CAMTA1: variants seen among roughly 807,000 people sequenced by gnomAD.
CAMTA1 encodes calmodulin-binding transcription activator 1.
A neutral mutation model predicts 170.9 loss-of-function variants in CAMTA1; 27 were observed. The ratio of observed to expected loss-of-function variants is 0.16; its 90% CI spans 0.12 to 0.22. The LOEUF (loss-of-function observed/expected upper bound fraction) is 0.22, where lower values mean the gene tolerates loss of function less well. CAMTA1 is among the 10% of genes least tolerant of loss of function. CAMTA1 has a pLI of 1.00. For synonymous variants in CAMTA1, 833 were observed against 891.5 expected, an observed-to-expected ratio of 0.93 and a Z score of 1.17; for missense variants, 1,619 against 2,217.2, an observed-to-expected ratio of 0.73 and a Z score of 5.42.
chr1:7,664,237 G>A lies in CAMTA1; in HGVS notation c.1690G>A (p.Ala564Thr), dbSNP rs966383954. ...AVAASSLTLT[A>T]GSSLLPSGGG... ...GGCAGCCAGCTCCCTCACCCTGACC[G>A]CCGGCTCCAGCCTCCTGCCGTCGGG... Residue 564 changes from alanine (A) to threonine (T), a missense_variant, in exon 9 of 23, where the codon GCC becomes ACC. Coordinates refer to ENST00000303635, the MANE Select transcript of CAMTA1 (RefSeq NM_015215.4). 16 of 1,612,444 alleles carry A rather than the reference G, an allele frequency of 9.9e-6. No individual in the cohort carries two copies. The highest frequency in any genetic ancestry group is 5.0e-5 in the Admixed American group (3 of 60,000).
chr1:7,145,221 C>T (rs761541353), intron 4 of CAMTA1, among the ~76,000 whole-genome samples: 60 of 152,282 alleles, frequency 3.9e-4, no homozygotes, highest in Non-Finnish European at 7.8e-4. Context: ...TTCCCAGGCC[C>T]GGGAGGGAGA....
intron 5 of CAMTA1, among the ~76,000 whole-genome samples, chr1:7,373,261 A>G (rs2086612926): frequency 6.6e-6 from 1 of 152,158 alleles, no homozygotes; most frequent in African/African-American, 2.4e-5. Flanking sequence ...CGTGACTGCT[A>G]AGCAAGTCTC....
At chr1:7,070,098 C>T (rs1221596574) in intron 3 of CAMTA1, among the ~76,000 whole-genome samples, 1 of 152,184 alleles carries the variant, frequency 6.6e-6, no homozygotes, top group Non-Finnish European at 1.5e-5. Context: ...GCAGGACGGG[C>T]TTTTCTGAGA....
At chr1:7,204,830 CTTTTTTTTT>C (rs367812076) in intron 4 of CAMTA1, among the ~76,000 whole-genome samples, 3 of 86,808 alleles carry the variant, frequency 3.5e-5, no homozygotes, top group Non-Finnish European at 6.5e-5. Flanking sequence ...TTCTTTTTTT[CTTTTTTTTT>C]TTTTTTTTGA....
rs56379193 is a variant in CAMTA1, at chr1:7,087,704, G to C, written c.235-3600G>C. 4.3e-3 allele frequency among the ~76,000 whole-genome samples: 660 copies of C among 152,242 alleles called. 4 individuals carry two copies. Among genetic ancestry groups the C allele is most frequent in the African/African-American group, 0.015 (630 of 41,546 alleles). ...CCTCAGTTTCCACACCTGTAAAGTG[G>C]CCATGGTTCCTATTTCATAGTTTGT... On this transcript the variant is annotated intron_variant, in intron 3 of 22. Coordinates refer to ENST00000303635, the MANE Select transcript of CAMTA1 (RefSeq NM_015215.4).
At chr1:7,029,667 A>G (rs1702533158) in intron 3 of CAMTA1, among the ~76,000 whole-genome samples, 1 of 152,054 alleles carries the variant, frequency 6.6e-6, no homozygotes. Flanking sequence ...TGTTTCTTGA[A>G]CTTTTTGGTC....
At chr1:7,756,878 C>T (rs541931551) in intron 22 of CAMTA1, among the ~76,000 whole-genome samples, 40 of 150,858 alleles carry the variant, frequency 2.7e-4, no homozygotes, top group African/African-American at 7.9e-4. Context: ...AAACAAAAAA[C>T]GCCAGGAATA....
At chr1:7,178,723 C>T (rs1651469334) in intron 4 of CAMTA1, among the ~76,000 whole-genome samples, 1 of 152,150 alleles carries the variant, frequency 6.6e-6, no homozygotes, top group African/African-American at 2.4e-5. Context: ...TGCGGAGTAG[C>T]CAAGCTGCAG....
intron 6 of CAMTA1, among the ~76,000 whole-genome samples, chr1:7,502,873 G>A (rs907429618): frequency 1.3e-5 from 2 of 152,184 alleles, no homozygotes; most frequent in Non-Finnish European, 2.9e-5. Context: ...GGGCTGAAGC[G>A]AGGCAGGCAG....
At chr1:7,381,192 T>G (rs1455297788) in intron 5 of CAMTA1, among the ~76,000 whole-genome samples, 1 of 151,986 alleles carries the variant, frequency 6.6e-6, no homozygotes, top group Admixed American at 6.6e-5. Context: ...TTAGGGTACA[T>G]GTGCACATTG....
At chr1:7,236,119 A>C (rs1025400531) in intron 4 of CAMTA1, among the ~76,000 whole-genome samples, 1 of 152,170 alleles carries the variant, frequency 6.6e-6, no homozygotes, top group Non-Finnish European at 1.5e-5. Context: ...TTGTCCCCCA[A>C]ATCGTGAAGA....
intron 6 of CAMTA1, among the ~76,000 whole-genome samples, chr1:7,593,489 CTTTTTTTT>C (rs35614673): frequency 1.0e-4 from 14 of 134,200 alleles, no homozygotes; most frequent in Non-Finnish European, 1.3e-4. Context: ...AATCCTAGCA[CTTTTTTTT>C]TTTTTTTTTT....
chr1:7,181,861 T>G (rs1055281955), intron 4 of CAMTA1, among the ~76,000 whole-genome samples: 1 of 152,048 alleles, frequency 6.6e-6, no homozygotes, highest in Admixed American at 6.5e-5. Flanking sequence ...CAACTGATAC[T>G]TAAGTTCATA....
At chr1:7,662,140 A>G (rs115137519) in intron 8 of CAMTA1, among the ~76,000 whole-genome samples, 117 of 152,320 alleles carry the variant, frequency 7.7e-4, no homozygotes, top group Non-Finnish European at 1.4e-3. Flanking sequence ...TGGGGGCAGC[A>G]GAGTTGGGGA....
intron 5 of CAMTA1, among the ~76,000 whole-genome samples, chr1:7,256,491 C>T (rs1356144812): frequency 1.1e-4 from 16 of 152,156 alleles, no homozygotes; most frequent in Admixed American, 1.0e-3. Context: ...ACCCGGGAGG[C>T]GCAGCTTGCA....
At chr1:7,551,120 G>A (rs1009756963) in intron 6 of CAMTA1, among the ~76,000 whole-genome samples, 2 of 152,114 alleles carry the variant, frequency 1.3e-5, no homozygotes, top group Non-Finnish European at 2.9e-5. Flanking sequence ...GAAGCACCAC[G>A]AGGTTACTCA....
chr1:6,929,981 G>C (rs147592936), intron 3 of CAMTA1, among the ~76,000 whole-genome samples: 1 of 152,162 alleles, frequency 6.6e-6, no homozygotes, highest in African/African-American at 2.4e-5. Flanking sequence ...CCGTGCTCTC[G>C]TGGTATTTGT....
At position 6,899,545 on chromosome 1, in the gene CAMTA1, C is replaced by T. The variant is rs561527971; in HGVS notation, c.234+74335C>T. 1.1e-3 allele frequency among the ~76,000 whole-genome samples: 85 copies of T among 74,794 alleles called. No homozygotes were observed. In the South Asian group the frequency reaches 0.032, roughly 28 times the overall value. 49.1% of individuals were successfully genotyped at this position (74,794 alleles called of 152,430 possible). ...AAAAATTATATGTGTATAACGCGCA[C>T]GCGCGCGCGCACACACACACACACA... On this transcript the variant is annotated intron_variant, in intron 3 of 22. Coordinates refer to ENST00000303635, the MANE Select transcript of CAMTA1 (RefSeq NM_015215.4).
At chr1:7,291,041 C>A (rs1673063945) in intron 5 of CAMTA1, among the ~76,000 whole-genome samples, 1 of 152,102 alleles carries the variant, frequency 6.6e-6, no homozygotes, top group Non-Finnish European at 1.5e-5. Context: ...TGCTCCCAAT[C>A]CCATTGCCAC....
Sources: allele counts gnomAD v4.1 joint callset (sites outside exome capture counted in the v4.1 genomes callset), GRCh38; gene constraint gnomAD v4.1.1; transcripts MANE v1.5; gene names NCBI Gene and HGNC (gene_info 2026-07-23, HGNC 2026-07-21).